Variants in FANCB observed in about 807,000 individuals in gnomAD.
The protein encoded by FANCB is FA complementation group B, also known as Fanconi anemia group B protein.
In FANCB, 5 loss-of-function variants were observed where a neutral mutation model predicts 38.9. The ratio of observed to expected loss-of-function variants is 0.13; its 90% CI spans 0.07 to 0.27. FANCB has a LOEUF of 0.27. Ranked by LOEUF, FANCB falls within the 10% of genes least tolerant of loss-of-function variation. FANCB has a pLI of 1.00. For missense variants in FANCB, 573 were observed against 602.7 expected (o/e 0.95, Z 0.52); for synonymous variants, 236 against 215.4 (o/e 1.10, Z -0.84).
At chrX:14,827,181 C>T in the FANCB span, among the ~76,000 whole-genome samples, 3 of 111,571 alleles carry the variant, frequency 2.7e-5, no homozygotes, top group African/African-American at 9.8e-5. Flanking sequence ...TCCCCACATG[C>T]TTTTCTTTTT....
the FANCB span, among the ~76,000 whole-genome samples, chrX:14,786,343 G>C: frequency 4.5e-5 from 5 of 110,710 alleles, no homozygotes; most frequent in Admixed American, 4.8e-4. Context: ...TCTATTATAA[G>C]GGCAATGGTT....
At chrX:14,701,678 C>T in the FANCB span, among the ~76,000 whole-genome samples, 2 of 112,382 alleles carry the variant, frequency 1.8e-5, no homozygotes, top group African/African-American at 6.5e-5. Flanking sequence ...TGGCAGTTAG[C>T]CCACTTATTT....
chrX:14,725,507 A>G, the FANCB span, among the ~76,000 whole-genome samples: 1 of 112,092 alleles, frequency 8.9e-6, no homozygotes, highest in African/African-American at 3.2e-5. Context: ...GCTCAGTCCA[A>G]TAAAAAAATC....
At position 14,864,845 on chromosome X, in the gene FANCB, T is replaced by C. The variant is rs766888316; in HGVS notation, c.666A>G (p.Val222=). 4.1e-6 allele frequency: 5 copies of C among 1,210,038 alleles called. No individual in the cohort carries two copies. In the Admixed American group the frequency reaches 1.1e-4, roughly 26 times the overall value. The change falls in exon 3 of 10, where the codon GTA becomes GTG. Residue 222 remains valine (V), a synonymous_variant. Coordinates refer to ENST00000650831, the MANE Select transcript of FANCB (RefSeq NM_001018113.3). ...FCVYSLESQE[V]LSDIYIIPPA... ...GAGGAATAATGTATATATCACTTAATACTTCTTGACTTTCAAGAGAATATA... is the reference window on the plus strand; with the variant it reads ...GAGGAATAATGTATATATCACTTAACACTTCTTGACTTTCAAGAGAATATA...
chrX:14,727,355 A>T, the FANCB span, among the ~76,000 whole-genome samples: 1 of 112,294 alleles, frequency 8.9e-6, no homozygotes, highest in African/African-American at 3.2e-5. Flanking sequence ...GCCTAAGGTC[A>T]ACACAGCTTA....
the FANCB span, among the ~76,000 whole-genome samples, chrX:14,820,382 TAG>T: frequency 5.4e-5 from 6 of 111,976 alleles, no homozygotes; most frequent in Non-Finnish European, 1.1e-4. Context: ...AAGACTGGGT[TAG>T]AGTCATGTCT....
chrX:14,866,238 C>T (rs1340041662), intron 2 of FANCB, among the ~76,000 whole-genome samples: 2 of 112,027 alleles, frequency 1.8e-5, no homozygotes, highest in Non-Finnish European at 3.8e-5. Flanking sequence ...TATGACCCAA[C>T]AAAGTCACTA....
At chrX:14,845,315 C>A in intron 7 of FANCB, 29 bp from the exon 8 acceptor site, 1 of 1,091,071 alleles carries the variant, frequency 9.2e-7, no homozygotes, top group South Asian at 1.9e-5. Flanking sequence ...TTGGTTTAAT[C>A]TAAAAGCTCA....
the FANCB span, among the ~76,000 whole-genome samples, chrX:14,775,436 G>A: frequency 8.9e-6 from 1 of 111,778 alleles, no homozygotes; most frequent in Non-Finnish European, 1.9e-5. Flanking sequence ...TCCTGTAGCT[G>A]CTGGGAAGCA....
chrX:14,737,315 G>A, the FANCB span, among the ~76,000 whole-genome samples: 1 of 112,232 alleles, frequency 8.9e-6, no homozygotes, highest in African/African-American at 3.2e-5. Flanking sequence ...GAGGTAATTC[G>A]TGTTGACTCC....
chrX:14,854,803 C>T (rs986543634), intron 5 of FANCB, among the ~76,000 whole-genome samples: 6 of 111,736 alleles, frequency 5.4e-5, no homozygotes, highest in African/African-American at 1.6e-4. Context: ...CCCAGGGGCC[C>T]TCCACAATCA....
chrX:14,780,892 C>T, the FANCB span, among the ~76,000 whole-genome samples: 5 of 108,495 alleles, frequency 4.6e-5, no homozygotes, highest in South Asian at 3.9e-4. Context: ...AGGTAATGGA[C>T]GAATTTGGCC....
the FANCB span, among the ~76,000 whole-genome samples, chrX:14,738,330 T>C: frequency 8.9e-6 from 1 of 112,302 alleles, no homozygotes; most frequent in Non-Finnish European, 1.9e-5. Context: ...TCTTTTGTGA[T>C]AGTATTTCAG....
chrX:14,835,209 T>G (rs1182643902), downstream of FANCB: 2 of 515,891 alleles, frequency 3.9e-6, no homozygotes, highest in African/African-American at 4.6e-5. Context: ...ACTGGTCTCA[T>G]TTTCATCATT....
the FANCB span, among the ~76,000 whole-genome samples, chrX:14,804,601 T>A: frequency 9.0e-6 from 1 of 110,978 alleles, no homozygotes; most frequent in African/African-American, 3.3e-5. Flanking sequence ...AACCTGCACG[T>A]TGTGCACATG....
At chrX:14,759,116 T>G in the FANCB span, among the ~76,000 whole-genome samples, 1 of 111,081 alleles carries the variant, frequency 9.0e-6, no homozygotes, top group Admixed American at 9.6e-5. Flanking sequence ...GTAGAAGAAA[T>G]AACTTCCCAG....
chrX:14,762,321 ATT>A, the FANCB span, among the ~76,000 whole-genome samples: 1 of 110,173 alleles, frequency 9.1e-6, no homozygotes, highest in African/African-American at 3.3e-5. Context: ...ATTTGATTTT[ATT>A]TTTTGTAGAG....
chrX:14,729,302 A>G, the FANCB span, among the ~76,000 whole-genome samples: 26 of 111,528 alleles, frequency 2.3e-4, no homozygotes, highest in Non-Finnish European at 4.0e-4. Flanking sequence ...AAGATAATTC[A>G]ATTGATGGCT....
the FANCB span, among the ~76,000 whole-genome samples, chrX:14,823,871 A>T: frequency 9.0e-6 from 1 of 111,169 alleles, no homozygotes; most frequent in Non-Finnish European, 1.9e-5. Context: ...ACTTCATATA[A>T]ATGGATGTCA....
Sources: gnomAD v4.1 joint callset for allele counts (sites outside exome capture counted in the v4.1 genomes callset) on GRCh38, gnomAD v4.1.1 for gene constraint, MANE v1.5 for transcripts, NCBI Gene and HGNC (gene_info 2026-07-23, HGNC 2026-07-21) for gene names.